Variants in CARMIL1 observed in about 807,000 individuals in gnomAD.
CARMIL1 encodes capping protein regulator and myosin 1 linker 1, also known as F-actin-uncapping protein LRRC16A.
A neutral mutation model predicts 177.1 loss-of-function variants in CARMIL1; 90 were observed. The observed-to-expected ratio is 0.51, with a 90% CI of 0.43 to 0.61. The LOEUF is 0.61. Among genes scored for constraint, CARMIL1 ranks in the 20% least tolerant of loss-of-function variants. CARMIL1 has a pLI of 0.00. For missense variants in CARMIL1, 1,380 were observed against 1,667.0 expected, an observed-to-expected ratio of 0.83 and a Z score of 3.00; for synonymous variants, 577 against 606.2, an observed-to-expected ratio of 0.95 and a Z score of 0.71.
At chr6:25,370,583 C>T (rs758348450) in intron 2 of CARMIL1, among the ~76,000 whole-genome samples, 12 of 152,148 alleles carry the variant, frequency 7.9e-5, no homozygotes, top group African/African-American at 1.4e-4. Context: ...ACTGCCCCGA[C>T]GGAGTCATAC....
At chr6:25,376,632 G>T (rs1369389311) in intron 2 of CARMIL1, among the ~76,000 whole-genome samples, 1 of 134,622 alleles carries the variant, frequency 7.4e-6, no homozygotes, top group African/African-American at 2.9e-5. Context: ...TTGTGAGCAG[G>T]TTCATTGTCT....
At chr6:25,439,219 A>T (rs1000148145) in intron 5 of CARMIL1, among the ~76,000 whole-genome samples, 1 of 152,136 alleles carries the variant, frequency 6.6e-6, no homozygotes, top group Non-Finnish European at 1.5e-5. Context: ...TGTTTTAGGC[A>T]TGTGGAATTT....
At chr6:25,607,968 C>A (rs779713131) in intron 35 of CARMIL1, among the ~76,000 whole-genome samples, 3 of 152,114 alleles carry the variant, frequency 2.0e-5, no homozygotes, top group Non-Finnish European at 4.4e-5. Context: ...CAAAAAATTT[C>A]TTGGTCCATA....
At chr6:25,604,401 A>G (rs1334703841) in intron 33 of CARMIL1, among the ~76,000 whole-genome samples, 1 of 152,190 alleles carries the variant, frequency 6.6e-6, no homozygotes, top group African/African-American at 2.4e-5. Flanking sequence ...GATTTTTGGA[A>G]ACCAAACCTA....
rs1173184013 is a variant in CARMIL1, at chr6:25,551,090, G to A, written c.2504+5G>A. On this transcript the variant is annotated splice_donor_5th_base_variant and intron_variant, in intron 27 of 36. Transcript: ENST00000329474. ...TGATATCCTTAACAAAATTAGGTAG[G>A]TTTATAATGTTAATAAACCTAGGAG... is the stretch of plus-strand genomic sequence containing the variant. 1 of 1,608,856 alleles carries A rather than the reference G, an allele frequency of 6.2e-7. No individual in the cohort carries two copies. Among genetic ancestry groups the A allele is most frequent in the Admixed American group, 1.7e-5 (1 of 59,350 alleles).
chr6:25,478,623 C>T (rs1801801530), intron 11 of CARMIL1, among the ~76,000 whole-genome samples: 3 of 152,156 alleles, frequency 2.0e-5, no homozygotes, highest in Non-Finnish European at 2.9e-5. Flanking sequence ...AGTGAAACCC[C>T]GTCTTTACTA....
chr6:25,410,255 A>G (rs1794790108), intron 2 of CARMIL1, among the ~76,000 whole-genome samples: 1 of 152,196 alleles, frequency 6.6e-6, no homozygotes. Context: ...TGAGAAGATG[A>G]GAATGTAAGG....
At position 25,607,514 on chromosome 6, in the gene CARMIL1, G is replaced by A. The variant is rs572374081; in HGVS notation, c.3847+1241G>A. ...AGAGATACTGAGTTTGCCAAGTCAC[G>A]CAGCTGGTGTGTCTGTGTAGCCGCC... On this transcript the variant is annotated intron_variant, in intron 35 of 36. Coordinates refer to ENST00000329474, the MANE Select transcript of CARMIL1 (RefSeq NM_017640.6). 2.6e-5 allele frequency among the ~76,000 whole-genome samples: 4 copies of A among 152,234 alleles called. No individual in the cohort carries two copies. The East Asian group carries it at 7.7e-4, about 29-fold the overall frequency.
At chr6:25,503,474 G>C (rs916872942) in intron 17 of CARMIL1, among the ~76,000 whole-genome samples, 5 of 152,158 alleles carry the variant, frequency 3.3e-5, no homozygotes, top group African/African-American at 1.2e-4. Flanking sequence ...AAAGTGTTTG[G>C]ATTTCCAATA....
intron 2 of CARMIL1, among the ~76,000 whole-genome samples, chr6:25,310,054 C>T (rs914919722): frequency 2.0e-5 from 3 of 152,048 alleles, no homozygotes; most frequent in African/African-American, 7.3e-5. Context: ...AGGAGTGAGC[C>T]ACCCCGCCGG....
intron 2 of CARMIL1, among the ~76,000 whole-genome samples, chr6:25,293,509 T>G (rs1390176947): frequency 6.6e-6 from 1 of 151,770 alleles, no homozygotes; most frequent in Non-Finnish European, 1.5e-5. Context: ...TGTCAGCCTC[T>G]CGGGAGCTGG....
chr6:25,557,311 T>C (rs1390669867), intron 29 of CARMIL1, among the ~76,000 whole-genome samples: 1 of 152,180 alleles, frequency 6.6e-6, no homozygotes, highest in Non-Finnish European at 1.5e-5. Flanking sequence ...CCTGATTTGA[T>C]GTGCTTTAGA....
At chr6:25,524,158 A>G (rs916425689) in intron 23 of CARMIL1, among the ~76,000 whole-genome samples, 1 of 152,148 alleles carries the variant, frequency 6.6e-6, no homozygotes, top group African/African-American at 2.4e-5. Flanking sequence ...TGATTAAACA[A>G]CCCGCCCTCT....
At chr6:25,615,741 C>G (rs944978663) in intron 36 of CARMIL1, among the ~76,000 whole-genome samples, 1 of 152,124 alleles carries the variant, frequency 6.6e-6, no homozygotes, top group South Asian at 2.1e-4. Flanking sequence ...TGGGCTCTTG[C>G]TAGAAAGTAT....
intron 32 of CARMIL1, among the ~76,000 whole-genome samples, chr6:25,598,322 T>G (rs192394935): frequency 1.2e-4 from 19 of 152,252 alleles, no homozygotes; most frequent in African/African-American, 4.6e-4. Flanking sequence ...CACTGCAACT[T>G]TGACCTTCCA....
chr6:25,537,800 A>C, intron 24 of CARMIL1, 55 bp from the exon 25 acceptor site: 1 of 1,598,838 alleles, frequency 6.3e-7, no homozygotes, highest in South Asian at 1.1e-5. Flanking sequence ...GTTTCCTTCT[A>C]TCTGAATATC....
At chr6:25,364,975 G>A (rs932483552) in intron 2 of CARMIL1, among the ~76,000 whole-genome samples, 1 of 152,140 alleles carries the variant, frequency 6.6e-6, no homozygotes, top group African/African-American at 2.4e-5. Flanking sequence ...TTCACTCAGC[G>A]TTGGCCTTTC....
chr6:25,414,919 A>G (rs1305562336), intron 2 of CARMIL1, among the ~76,000 whole-genome samples: 2 of 152,118 alleles, frequency 1.3e-5, no homozygotes, highest in Admixed American at 6.6e-5. Context: ...TTTTCAGACA[A>G]ATTATTTTGA....
chr6:25,358,947 T>C (rs984892151), intron 2 of CARMIL1, among the ~76,000 whole-genome samples: 6 of 152,194 alleles, frequency 3.9e-5, no homozygotes, highest in African/African-American at 1.2e-4. Context: ...ATATGATCAT[T>C]GTGGCCAAGA....
Sources: gnomAD v4.1 joint callset for allele counts (sites outside exome capture counted in the v4.1 genomes callset) on GRCh38, gnomAD v4.1.1 for gene constraint, MANE v1.5 for transcripts, NCBI Gene and HGNC (gene_info 2026-07-23, HGNC 2026-07-21) for gene names.